TRERF1: variants seen among roughly 807,000 people sequenced by gnomAD.
TRERF1 encodes transcriptional-regulating factor 1.
In TRERF1, 27 loss-of-function variants were observed where a neutral mutation model predicts 122.9. The ratio of observed to expected loss-of-function variants is 0.22; its 90% confidence interval spans 0.16 to 0.30. The LOEUF (loss-of-function observed/expected upper bound fraction) is 0.30. TRERF1 is among the 10% of genes least tolerant of loss of function. The pLI, the probability that TRERF1 is intolerant of heterozygous loss-of-function variation, is 1.00. For missense variants in TRERF1, 1,248 were observed against 1,560.3 expected, an observed-to-expected ratio of 0.80 and a Z score of 3.37; for synonymous variants, 636 against 641.7, an observed-to-expected ratio of 0.99 and a Z score of 0.13.
chr6:42,376,536 CTTTTTTTTTT>C (rs781389630), intron 2 of TRERF1, among the ~76,000 whole-genome samples: 1 of 96,314 alleles, frequency 1.0e-5, no homozygotes, highest in East Asian at 3.6e-4. Flanking sequence ...TCGTCTAATT[CTTTTTTTTTT>C]TTTTTTTTTT....
At chr6:42,243,212 T>C in intron 15 of TRERF1, 36 bp downstream of exon 15, 1 of 1,576,040 alleles carries the variant, frequency 6.3e-7, no homozygotes, top group Non-Finnish European at 8.7e-7. Flanking sequence ...GTGGGAGCTG[T>C]CCCAGCACAA....
chr6:42,350,618 T>TAAC (rs1769241674), intron 3 of TRERF1, among the ~76,000 whole-genome samples: 5 of 152,168 alleles, frequency 3.3e-5, no homozygotes, highest in Admixed American at 1.3e-4. Context: ...GATGACGAGT[T>TAAC]TAAACCCCCT....
chr6:42,364,796 C>T (rs1562069671), intron 2 of TRERF1, among the ~76,000 whole-genome samples: 1 of 152,182 alleles, frequency 6.6e-6, no homozygotes, highest in Non-Finnish European at 1.5e-5. Context: ...CAGATTATTT[C>T]CACACATCCA....
chr6:42,231,450 A>G (rs1189669338), intron 17 of TRERF1, among the ~76,000 whole-genome samples: 1 of 152,244 alleles, frequency 6.6e-6, no homozygotes, highest in Non-Finnish European at 1.5e-5. Context: ...GTTACTATTA[A>G]GTTGCCTGCT....
chr6:42,271,312 G>A (rs1463004791), intron 4 of TRERF1, among the ~76,000 whole-genome samples: 1 of 151,720 alleles, frequency 6.6e-6, no homozygotes, highest in Non-Finnish European at 1.5e-5. Flanking sequence ...CCTCCTTTAC[G>A]AAAAGAAGGG....
At chr6:42,285,528 G>A (rs1028118958) in intron 4 of TRERF1, among the ~76,000 whole-genome samples, 122 of 152,092 alleles carry the variant, frequency 8.0e-4, no homozygotes, top group Middle Eastern at 6.8e-3. Flanking sequence ...TGTTGAATAG[G>A]AGTGGTGAGA....
rs3997687 is a variant in TRERF1, at chr6:42,333,998, T to TACACAC, written c.-371+28993_-371+28998dup. ...GAAAAAAAAGACCACACACATACACTACACACACACACACACACACACACA... is the reference window on the plus strand; with the variant it reads ...GAAAAAAAAGACCACACACATACACTACACACACACACACACACACACACACACACA... On this transcript the variant is annotated intron_variant, in intron 3 of 17. Transcript: ENST00000372922. Among the ~76,000 whole-genome samples, 1,200 of 147,154 alleles carry TACACAC rather than the reference T, an allele frequency of 8.2e-3. 7 individuals carry two copies. Among genetic ancestry groups the TACACAC allele is most frequent in the African/African-American group, 0.012 (466 of 40,312 alleles).
At chr6:42,304,408 C>T (rs766060605) in intron 3 of TRERF1, among the ~76,000 whole-genome samples, 8 of 152,200 alleles carry the variant, frequency 5.3e-5, no homozygotes, top group African/African-American at 1.9e-4. Flanking sequence ...TCACTGAGCA[C>T]GCTGCCCCTG....
At chr6:42,262,723 G>C (rs1310592023) in intron 8 of TRERF1, among the ~76,000 whole-genome samples, 1 of 152,172 alleles carries the variant, frequency 6.6e-6, no homozygotes, top group Admixed American at 6.5e-5. Context: ...ATTAGGGGTG[G>C]GTGGCTCTCA....
chr6:42,426,238 T>C (rs1783619126), intron 2 of TRERF1, among the ~76,000 whole-genome samples: 1 of 152,188 alleles, frequency 6.6e-6, no homozygotes, highest in African/African-American at 2.4e-5. Context: ...GCACATGACA[T>C]ATCTTAACTC....
At chr6:42,420,410 C>T (rs541675541) in intron 2 of TRERF1, among the ~76,000 whole-genome samples, 12 of 152,280 alleles carry the variant, frequency 7.9e-5, no homozygotes, top group African/African-American at 2.2e-4. Context: ...TCCCGTGGTC[C>T]ACCCAGAGCT....
intron 4 of TRERF1, among the ~76,000 whole-genome samples, chr6:42,281,498 G>A (rs938351555): frequency 2.6e-5 from 4 of 152,144 alleles, no homozygotes; most frequent in Non-Finnish European, 4.4e-5. Context: ...GCCACGAGCA[G>A]TGTTTGGCCA....
intron 16 of TRERF1, among the ~76,000 whole-genome samples, chr6:42,234,463 A>G (rs9471814): frequency 0.033 from 4,956 of 151,764 alleles, 289 homozygotes; most frequent in African/African-American, 0.11. Context: ...TTAGCCTCCC[A>G]AGTAGCTGGG....
In TRERF1 at chr6:42,257,021, C is replaced by A. The variant is rs746842281; in HGVS notation, c.2418G>T (p.Lys806Asn). Residue 806 changes from lysine (K) to asparagine (N), a missense_variant, in exon 11 of 18, where the codon AAG becomes AAT. By Grantham distance (94) the Lys-to-Asn change is moderately conservative (BLOSUM62 0). This residue lies in a region of TRERF1 where 946 missense variants were observed against 1,073.0 expected (regional missense o/e 0.88). Transcript: ENST00000372922. ...GCCAGGGCTTCCATACCAGTGTGGC[C>A]TTGTGTGTGTCCTGGGCCAGGGCAG... The A allele has an allele frequency of 2.5e-6, 4 of 1,614,200 alleles. No individual in the cohort carries two copies. In the Admixed American group the frequency reaches 6.7e-5, roughly 27 times the overall value.
intron 2 of TRERF1, among the ~76,000 whole-genome samples, chr6:42,368,460 T>C (rs1215272209): frequency 6.6e-6 from 1 of 151,766 alleles, no homozygotes; most frequent in African/African-American, 2.4e-5. Flanking sequence ...AGAACTTCAA[T>C]GGTAAAGATA....
chr6:42,421,820 G>A (rs917734542), intron 2 of TRERF1, among the ~76,000 whole-genome samples: 1 of 151,734 alleles, frequency 6.6e-6, no homozygotes, highest in Non-Finnish European at 1.5e-5. Flanking sequence ...TAAAATTGCT[G>A]GTCTTGATCA....
At chr6:42,367,047 G>A (rs1772875357) in intron 2 of TRERF1, among the ~76,000 whole-genome samples, 1 of 152,220 alleles carries the variant, frequency 6.6e-6, no homozygotes, top group African/African-American at 2.4e-5. Context: ...CTGGAGTCAG[G>A]CCTGCGATCA....
intron 3 of TRERF1, among the ~76,000 whole-genome samples, chr6:42,347,106 C>T (rs187766111): frequency 1.3e-5 from 2 of 152,364 alleles, no homozygotes; most frequent in African/African-American, 4.8e-5. Flanking sequence ...CCATGTATCC[C>T]TCTTGGAGAA....
intron 2 of TRERF1, among the ~76,000 whole-genome samples, chr6:42,383,375 A>G (rs1398388499): frequency 1.3e-5 from 2 of 152,076 alleles, no homozygotes; most frequent in Non-Finnish European, 2.9e-5. Context: ...CCTCTTTCCT[A>G]TGAAGCTGCC....
Sources: allele counts gnomAD v4.1 joint callset (sites outside exome capture counted in the v4.1 genomes callset), GRCh38; gene constraint gnomAD v4.1.1; regional missense constraint gnomAD v4.1.1; transcripts MANE v1.5; gene names NCBI Gene and HGNC (gene_info 2026-07-23, HGNC 2026-07-21).